The following NCKAP5 variants were observed in gnomAD, a reference collection of about 807,000 sequenced individuals.
NCKAP5 encodes nck-associated protein 5.
Under a neutral mutation model 167.0 loss-of-function variants are expected in NCKAP5, and 92 were observed. That is an observed-to-expected ratio of 0.55 (90% CI 0.47 to 0.66). The LOEUF (loss-of-function observed/expected upper bound fraction) is 0.66. NCKAP5 is among the 30% of genes least tolerant of loss of function. The pLI, the probability that NCKAP5 is intolerant of heterozygous loss-of-function variation, is 0.00. For synonymous variants in NCKAP5, 891 were observed against 877.4 expected (o/e 1.02, Z -0.27); for missense variants, 2,378 against 2,315.0 (o/e 1.03, Z -0.56).
At chr2:133,095,751 C>T (rs1252755270) in intron 6 of NCKAP5, among the ~76,000 whole-genome samples, 2 of 152,206 alleles carry the variant, frequency 1.3e-5, no homozygotes, top group East Asian at 1.9e-4. Context: ...GCACATACAT[C>T]ATGAGTAGAT....
chr2:132,981,316 G>A (rs1217691803), intron 7 of NCKAP5, among the ~76,000 whole-genome samples: 1 of 152,078 alleles, frequency 6.6e-6, no homozygotes, highest in Non-Finnish European at 1.5e-5. Context: ...TCCCACAGAA[G>A]GCATGCAGCA....
At chr2:132,709,932 TA>T (rs1431448055) in intron 19 of NCKAP5, among the ~76,000 whole-genome samples, 3 of 152,114 alleles carry the variant, frequency 2.0e-5, no homozygotes, top group Non-Finnish European at 1.5e-5. Flanking sequence ...AAATGGTTAA[TA>T]AAAAATAAAA....
intron 8 of NCKAP5, among the ~76,000 whole-genome samples, chr2:132,949,892 G>A (rs753297211): frequency 3.2e-4 from 48 of 152,242 alleles, no homozygotes; most frequent in Non-Finnish European, 7.4e-5. Flanking sequence ...TCAGGAGTTC[G>A]ACACCAGCCT....
chr2:132,790,264 A>C lies in NCKAP5; in HGVS notation c.910-59T>G, dbSNP rs12620276. On this transcript the variant is annotated intron_variant, in intron 12 of 19. Transcript: ENST00000409261. ...TGCTCAGAGGAGAGTAAATATCAAC[A>C]CAACCTTATGGTGAGGTAGATGGGA... 12,811 of 1,462,196 alleles carry C rather than the reference A, an allele frequency of 8.8e-3. 983 individuals carry two copies. In the East Asian group the frequency reaches 0.2, roughly 23 times the overall value. 90.6% of individuals were successfully genotyped at this position (1,462,196 alleles called of 1,614,324 possible).
intron 11 of NCKAP5, among the ~76,000 whole-genome samples, chr2:132,815,886 T>C (rs1686232052): frequency 6.6e-6 from 1 of 152,186 alleles, no homozygotes; most frequent in South Asian, 2.1e-4. Flanking sequence ...ATAATAACTA[T>C]ACAACTAGCT....
At chr2:133,113,794 A>T (rs1245977251) in intron 6 of NCKAP5, among the ~76,000 whole-genome samples, 1 of 152,210 alleles carries the variant, frequency 6.6e-6, no homozygotes, top group Non-Finnish European at 1.5e-5. Flanking sequence ...GTGTACACAC[A>T]TGTGCACCCC....
At position 132,920,717 on chromosome 2, in the gene NCKAP5, ATG is replaced by A. The variant is rs1558942670; in HGVS notation, c.580-41803_580-41802del. ...TATATATATACGTATATGTATATAT[ATG>A]TATATATATATATGTATATATATGT... On this transcript the variant is annotated intron_variant, in intron 8 of 19. Coordinates refer to ENST00000409261, the MANE Select transcript of NCKAP5 (RefSeq NM_207363.3). 3.1e-3 allele frequency among the ~76,000 whole-genome samples: 297 copies of A among 95,676 alleles called. 14 individuals are homozygous for A. Among genetic ancestry groups the A allele is most frequent in the African/African-American group, 3.8e-3 (77 of 20,232 alleles). 62.8% of individuals were successfully genotyped at this position (95,676 alleles called of 152,430 possible).
chr2:133,273,784 A>C (rs1031098341), intron 4 of NCKAP5, among the ~76,000 whole-genome samples: 13 of 148,308 alleles, frequency 8.8e-5, no homozygotes, highest in Non-Finnish European at 1.2e-4. Context: ...CCCTAGAAAA[A>C]TCTATTAATT....
At chr2:133,434,740 TAGTGAAC>T (rs1226454575) in intron 3 of NCKAP5, among the ~76,000 whole-genome samples, 2 of 152,232 alleles carry the variant, frequency 1.3e-5, no homozygotes, top group African/African-American at 4.8e-5. Flanking sequence ...AGTAGGTGAT[TAGTGAAC>T]AATTGCTGAA....
At position 132,785,001 on chromosome 2, in the gene NCKAP5, C is replaced by T. The variant is rs61995744; in HGVS notation, c.1810G>A (p.Val604Met). Residue 604 changes from valine (V) to methionine (M), a missense_variant, in exon 14 of 20, where the codon GTG becomes ATG. This residue lies in a region of NCKAP5 where 1,049 missense variants were observed against 1,023.4 expected (regional missense o/e 1.02). Transcript: ENST00000409261. ...ESSDEKSPSD[V>M]SLAADTDKSV... is the part of the protein sequence containing the mutation. ...TTATCGGTGTCGGCAGCCAATGACA[C>T]GTCTGAAGGACTTTTCTCATCACTG... is the stretch of plus-strand genomic sequence containing the variant. The T allele has an allele frequency of 0.23, 365,475 of 1,613,790 alleles. 43,121 individuals are homozygous for T. The highest frequency in any genetic ancestry group is 0.28 in the East Asian group (12,523 of 44,870).
At chr2:133,316,220 C>A (rs919724063) in intron 3 of NCKAP5, among the ~76,000 whole-genome samples, 12 of 152,192 alleles carry the variant, frequency 7.9e-5, no homozygotes, top group African/African-American at 2.9e-4. Context: ...ACACACTGAA[C>A]CTTTCCTTGA....
the NCKAP5 span, among the ~76,000 whole-genome samples, chr2:133,658,102 C>T: frequency 2.3e-3 from 297 of 128,650 alleles, 1 homozygote; most frequent in African/African-American, 8.6e-3. Flanking sequence ...CCACCCCCAA[C>T]GACCCCCACC....
chr2:132,834,753 G>C (rs890507033), intron 11 of NCKAP5, among the ~76,000 whole-genome samples: 7 of 152,166 alleles, frequency 4.6e-5, no homozygotes, highest in Admixed American at 4.6e-4. Flanking sequence ...CTTCCCAAAG[G>C]CTGGGATTAC....
chr2:132,710,706 T>C (rs565481726), intron 19 of NCKAP5, among the ~76,000 whole-genome samples: 2 of 152,338 alleles, frequency 1.3e-5, no homozygotes, highest in South Asian at 4.1e-4. Context: ...TTTTGCTCTT[T>C]CATCTTCAAC....
chr2:132,734,107 C>T (rs1691290372), intron 16 of NCKAP5, among the ~76,000 whole-genome samples: 1 of 152,190 alleles, frequency 6.6e-6, no homozygotes, highest in African/African-American at 2.4e-5. Context: ...AGGGCCCCCA[C>T]CTGGCCAGCT....
At chr2:133,591,030 G>A in the NCKAP5 span, among the ~76,000 whole-genome samples, 1 of 152,122 alleles carries the variant, frequency 6.6e-6, no homozygotes, top group South Asian at 2.1e-4. Flanking sequence ...GTATGTATAT[G>A]AGTGTGTGTG....
At chr2:133,024,728 G>A (rs1050028941) in intron 6 of NCKAP5, among the ~76,000 whole-genome samples, 5 of 152,072 alleles carry the variant, frequency 3.3e-5, no homozygotes, top group Non-Finnish European at 7.4e-5. Context: ...TCTAGCTTGC[G>A]CTCATAAAGA....
intron 12 of NCKAP5, among the ~76,000 whole-genome samples, chr2:132,794,291 GAGAGAGAGAGAGAGA>G (rs1188319336): frequency 7.4e-5 from 9 of 122,438 alleles, no homozygotes; most frequent in African/African-American, 2.3e-4. Flanking sequence ...GAGAGAGAGA[GAGAGAGAGAGAGAGA>G]GGGTGGCGGG....
chr2:132,873,014 A>T (rs1220229429), intron 9 of NCKAP5, among the ~76,000 whole-genome samples: 2 of 152,218 alleles, frequency 1.3e-5, no homozygotes, highest in Non-Finnish European at 1.5e-5. Flanking sequence ...GACTTGATAT[A>T]AAGCCGTCAC....
Sources: gnomAD v4.1 joint callset for allele counts (sites outside exome capture counted in the v4.1 genomes callset) on GRCh38, gnomAD v4.1.1 for gene constraint, gnomAD v4.1.1 regional missense constraint, MANE v1.5 for transcripts, NCBI Gene and HGNC (gene_info 2026-07-23, HGNC 2026-07-21) for gene names.